The following GAS2L2 variants were observed in gnomAD, a reference collection of about 807,000 sequenced individuals.
The protein encoded by GAS2L2 is GAS2-like protein 2.
Under a neutral mutation model 35.2 loss-of-function variants are expected in GAS2L2, and 21 were observed. That is an observed-to-expected ratio of 0.60 (90% CI 0.42 to 0.86). The LOEUF is 0.86. Ranked by LOEUF, GAS2L2 falls within the 40% of genes least tolerant of loss-of-function variation. The pLI is 0.00. For missense variants in GAS2L2, 1,169 were observed against 1,144.4 expected (o/e 1.02, Z -0.31); for synonymous variants, 490 against 473.2 (o/e 1.04, Z -0.46).
In GAS2L2 at chr17:35,747,016, C is replaced by A; in HGVS notation, c.1085G>T (p.Arg362Met). 1 of 1,565,330 alleles carries A rather than the reference C, an allele frequency of 6.4e-7. No homozygotes were observed. The highest frequency in any genetic ancestry group is 8.7e-7 in the Non-Finnish European group (1 of 1,154,970). The change falls in exon 5 of 6, where the codon AGG becomes ATG. Residue 362 changes from arginine (R) to methionine (M), a missense_variant and splice_region_variant. Physicochemically the swap from Arg to Met is moderately conservative, Grantham distance 91 (BLOSUM62 -1). Coordinates refer to ENST00000604641, the MANE Select transcript of GAS2L2 (RefSeq NM_139285.4). ...CCCCATCCCTGTCTCTTCCCCATAC[C>A]TCAGGAATGGTGCCATCTCTCTGGA... Reference protein sequence around the residue: ...GASREMAPFLRCQERSLIPSW... With the variant: ...GASREMAPFLMCQERSLIPSW...
At position 35,750,314 on chromosome 17, in the gene GAS2L2, C is replaced by T; in HGVS notation, c.390G>A (p.Val130=). ...CCAAGTCCTCCGTCTCGAACATCAG[C>T]ACCTCTGGAGTGGAGGCGGGGAGAA... is the stretch of plus-strand genomic sequence containing the variant. ...WCRKEMGIQE[V]LMFETEDLVL... The change falls in exon 2 of 6, where the codon GTG becomes GTA. Residue 130 remains valine (V), a synonymous_variant. Transcript: ENST00000604641. 1.2e-6 allele frequency: 2 copies of T among 1,613,926 alleles called. No individual in the cohort carries two copies. The highest frequency in any genetic ancestry group is 1.7e-6 in the Non-Finnish European group (2 of 1,179,956).
chr17:35,747,363 A>G, intron 4 of GAS2L2, 95 bp from the exon 5 acceptor site: 1 of 1,389,620 alleles, frequency 7.2e-7, no homozygotes, highest in South Asian at 1.4e-5. Flanking sequence ...CATGCCCCGC[A>G]TCCCACATTA....
intron 4 of GAS2L2, 119 bp downstream of exon 4, chr17:35,747,730 C>T: frequency 2.5e-6 from 2 of 786,822 alleles, no homozygotes; most frequent in East Asian, 2.7e-5. Context: ...CCACACCTCC[C>T]CACCTACCGC....
Position 35,747,141 on chromosome 17 carries a change from AG to A in GAS2L2, c.959del (p.Pro320LeufsTer14). On this transcript the variant is annotated frameshift_variant, in exon 5 of 6. Transcript: ENST00000604641. LOFTEE classifies it high-confidence loss of function. Reference protein sequence around the residue: ...TISRSQSPPPPVDWKTYTSSD... With the variant: ...TISRSQSPPPXVDWKTYTSSD... ...AAGAGGTATATGTCTTCCAGTCCAC[AG>A]GGGGTGGTGGGCTCTGTGAGCGGCT... is the stretch of plus-strand genomic sequence containing the variant. 6.2e-7 allele frequency: 1 copy of A among 1,613,868 alleles called. No individual in the cohort carries two copies. The highest frequency in any genetic ancestry group is 8.5e-7 in the Non-Finnish European group (1 of 1,179,858).
rs782134797 is a variant in GAS2L2 at position 35,746,457 on chromosome 17, G to A, written c.1086-46C>T. 3.3e-5 allele frequency: 41 copies of A among 1,249,922 alleles called. No homozygotes were observed. The Admixed American group carries it at 3.9e-4, about 12-fold the overall frequency. The allele number at this position is 1,249,922 out of a possible 1,614,324, so 77.4% of individuals were successfully genotyped here. A position where few individuals can be genotyped will look rare whatever the true frequency, so the allele number is the denominator to read the frequency against. On this transcript the variant is annotated intron_variant, in intron 5 of 5. Transcript: ENST00000604641. ...GCTGCAAAGGGAGACTCATCAGGCC[G>A]GCAGGGTCATCTAGTGTGGTCCCTG...
chr17:35,746,865 A>G, intron 5 of GAS2L2, 151 bp downstream of exon 5: 1 of 708,698 alleles, frequency 1.4e-6, no homozygotes, highest in Non-Finnish European at 2.3e-6. Context: ...ACATTATCCC[A>G]AAGGTACTGG....
At chr17:35,751,136 GCC>G (rs1263781776) in intron 1 of GAS2L2, among the ~76,000 whole-genome samples, 4 of 151,910 alleles carry the variant, frequency 2.6e-5, no homozygotes, top group African/African-American at 9.7e-5. Flanking sequence ...TGGTTTCAAG[GCC>G]AATGAGATGA....
At chr17:35,750,981 T>C (rs587757533) in intron 1 of GAS2L2, among the ~76,000 whole-genome samples, 2 of 152,312 alleles carry the variant, frequency 1.3e-5, no homozygotes, top group East Asian at 3.9e-4. Flanking sequence ...AAGCATTCCT[T>C]AAAGCACTAG....
In GAS2L2 at chr17:35,745,833, A is replaced by C. The variant is rs369503637; in HGVS notation, c.1664T>G (p.Val555Gly). Residue 555 changes from valine to glycine, a missense_variant, in exon 6 of 6, where the codon GTG (valine) becomes GGG (glycine). Coordinates refer to ENST00000604641, the MANE Select transcript of GAS2L2 (RefSeq NM_139285.4). ...CTGCTGGTCCTCCTGCCTCACTTCC[A>C]CAGAGCAGTCCCCATGCGTGGACCC... ...LAGSTHGDCS[V>G]EVRQEDQQLD... 1.9e-6 allele frequency: 3 copies of C among 1,613,702 alleles called. No homozygotes were observed. In the African/African-American group the frequency reaches 4.0e-5, roughly 22 times the overall value.
At position 35,750,260 on chromosome 17, in the gene GAS2L2, C is replaced by A. The variant is rs782374415; in HGVS notation, c.444G>T (p.Val148=). ...LVLRKNVKNV[V]LCLLELGRRA... ...GGCGGCCCAGCTCCAGCAAACACAG[C>A]ACCACGTTCTTCACGTTCTTGCGCA... Residue 148 remains valine (V), a synonymous_variant, in exon 2 of 6, where the codon GTG becomes GTT. Coordinates refer to ENST00000604641, the MANE Select transcript of GAS2L2 (RefSeq NM_139285.4). The A allele has an allele frequency of 9.9e-6, 16 of 1,614,070 alleles. 1 individual carries two copies. The highest frequency in any genetic ancestry group is 4.5e-5 in the East Asian group (2 of 44,872).
Position 35,745,143 on chromosome 17 carries a change from T to C in GAS2L2, c.2354A>G (p.Asp785Gly), listed in dbSNP as rs782248699. 2.2e-5 allele frequency: 36 copies of C among 1,613,448 alleles called. No individual in the cohort carries two copies. The highest frequency in any genetic ancestry group is 3.1e-5 in the Non-Finnish European group (36 of 1,179,636). The change falls in exon 6 of 6, where the codon GAC becomes GGC. Residue 785 changes from aspartate to glycine, a missense_variant. Physicochemically the swap from Asp to Gly is moderately conservative, Grantham distance 94 (BLOSUM62 -1). Transcript: ENST00000604641. ...KLRPRIRPRR[D>G]HRPEKQPSRI... ...TGAAGGCTGCTTCTCAGGCCTGTGG[T>C]CTCTCCGGGGCCGAATCCTGGGTCT...
chr17:35,752,454 C>T lies in GAS2L2; in HGVS notation c.385+12G>A, dbSNP rs782187662. 1 of 1,563,086 alleles carries T rather than the reference C, an allele frequency of 6.4e-7. No individual in the cohort carries two copies. The highest frequency in any genetic ancestry group is 8.7e-7 in the Non-Finnish European group (1 of 1,147,634). Reference sequence around the variant, plus strand: ...AGCATCTGGAATGGGGACGAGGGTGCAGCGTGGTTACCTTGGATGCCCATC... The same window carrying T: ...AGCATCTGGAATGGGGACGAGGGTGTAGCGTGGTTACCTTGGATGCCCATC... On this transcript the variant is annotated intron_variant, in intron 1 of 5. Transcript: ENST00000604641.
At position 35,745,141 on chromosome 17, in the gene GAS2L2, G is replaced by A. The variant is rs2085656126; in HGVS notation, c.2356C>T (p.His786Tyr). 1 of 1,613,400 alleles carries A rather than the reference G, an allele frequency of 6.2e-7. No individual in the cohort carries two copies. Among genetic ancestry groups the A allele is most frequent in the Admixed American group, 1.7e-5 (1 of 59,982 alleles). ...LRPRIRPRRD[H>Y]RPEKQPSRIP... ...CGTGAAGGCTGCTTCTCAGGCCTGTGGTCTCTCCGGGGCCGAATCCTGGGT... is the reference window on the plus strand; with the variant it reads ...CGTGAAGGCTGCTTCTCAGGCCTGTAGTCTCTCCGGGGCCGAATCCTGGGT... The change falls in exon 6 of 6, where the codon CAC (histidine) becomes TAC (tyrosine). Residue 786 changes from histidine to tyrosine, a missense_variant. Physicochemically the swap from His to Tyr is moderately conservative, Grantham distance 83 (BLOSUM62 2). This residue lies in a region of GAS2L2 where 1,035 missense variants were observed against 976.5 expected (regional missense o/e 1.06). Coordinates refer to ENST00000604641, the MANE Select transcript of GAS2L2 (RefSeq NM_139285.4).
Position 35,752,924 on chromosome 17 carries a change from G to T in GAS2L2, c.-74C>A, listed in dbSNP as rs1555600009. ...CCGCCTCTTTCCTCCCGCTGCTGCT[G>T]GGTCTCGGCTGGGTTCTTCCTGATT... On this transcript the variant is annotated 5_prime_UTR_variant, in exon 1 of 6. Coordinates refer to ENST00000604641, the MANE Select transcript of GAS2L2 (RefSeq NM_139285.4). 2.0e-6 allele frequency: 3 copies of T among 1,473,550 alleles called. No individual in the cohort carries two copies. In the East Asian group the frequency reaches 7.0e-5, roughly 34 times the overall value. 91.3% of individuals were successfully genotyped at this position (1,473,550 alleles called of 1,614,324 possible).
In GAS2L2 at chr17:35,746,239, A is replaced by G; in HGVS notation, c.1258T>C (p.Trp420Arg). ...CAGCTGTCTGTTTCTTCATGAACCCAAGATGTGGGAATCCTTCCCCTGGGG... is the reference window on the plus strand; with the variant it reads ...CAGCTGTCTGTTTCTTCATGAACCCGAGATGTGGGAATCCTTCCCCTGGGG... ...ELPRGRIPTS[W>R]VHEETDSWGT... The change falls in exon 6 of 6, where the codon TGG becomes CGG. Residue 420 changes from tryptophan (W) to arginine (R), a missense_variant. Transcript: ENST00000604641. 2.0e-6 allele frequency: 3 copies of G among 1,472,830 alleles called. No individual in the cohort carries two copies. The highest frequency in any genetic ancestry group is 2.7e-6 in the Non-Finnish European group (3 of 1,110,728). The allele number at this position is 1,472,830 out of a possible 1,614,324, so 91.2% of individuals were successfully genotyped here. A position where few individuals can be genotyped will look rare whatever the true frequency, so the allele number is the denominator to read the frequency against.
Position 35,745,210 on chromosome 17 carries a change from G to C in GAS2L2, c.2287C>G (p.Arg763Gly), listed in dbSNP as rs781885696. Residue 763 changes from arginine (R) to glycine (G), a missense_variant, in exon 6 of 6, where the codon CGG becomes GGG. Coordinates refer to ENST00000604641, the MANE Select transcript of GAS2L2 (RefSeq NM_139285.4). The part of the protein sequence containing the change: ...ACLSKGRRTL[R>G]KPKRVPSIYK... ...ATGGACGGGACCCTCTTGGGCTTCCGGAGAGTTCTCCTGCCCTTGCTCAGA... is the reference window on the plus strand; with the variant it reads ...ATGGACGGGACCCTCTTGGGCTTCCCGAGAGTTCTCCTGCCCTTGCTCAGA... 1.0e-5 allele frequency: 16 copies of C among 1,607,460 alleles called. No homozygotes were observed. In the East Asian group the frequency reaches 2.7e-4, roughly 27 times the overall value.
At position 35,745,306 on chromosome 17, in the gene GAS2L2, T is replaced by C; in HGVS notation, c.2191A>G (p.Thr731Ala). The C allele has an allele frequency of 6.2e-7, 1 of 1,612,258 alleles. No homozygotes were observed. The highest frequency in any genetic ancestry group is 8.5e-7 in the Non-Finnish European group (1 of 1,178,986). Reference protein sequence around the residue: ...PQGGQDCSASTVSASPEAPTP... With the variant: ...PQGGQDCSASAVSASPEAPTP... ...GGGGCCTCCGGGCTGGCAGACACAGTAGAAGCCGAGCAGTCCTGCCCTCCC... is the reference window on the plus strand; with the variant it reads ...GGGGCCTCCGGGCTGGCAGACACAGCAGAAGCCGAGCAGTCCTGCCCTCCC... The change falls in exon 6 of 6, where the codon ACT becomes GCT. Residue 731 changes from threonine (T) to alanine (A), a missense_variant. By Grantham distance (58) the Thr-to-Ala change is moderately conservative. Around this residue, in one of 3 missense-constraint regions of GAS2L2, gnomAD observed 1,035 missense variants for 976.5 expected, o/e 1.06. Transcript: ENST00000604641.
At chr17:35,749,390 G>T (rs587738383) in intron 2 of GAS2L2, among the ~76,000 whole-genome samples, 173 bp from the exon 3 acceptor site, 1 of 152,352 alleles carries the variant, frequency 6.6e-6, no homozygotes, top group African/African-American at 2.4e-5. Context: ...CGAGACCTGG[G>T]TGGTCACCCA....
chr17:35,749,961 G>A, intron 2 of GAS2L2, 116 bp downstream of exon 2: 6 of 941,376 alleles, frequency 6.4e-6, no homozygotes, highest in Non-Finnish European at 9.6e-6. Flanking sequence ...TTCGGGTCAG[G>A]GTGGACAATG....
Sources: gnomAD v4.1 joint callset for allele counts (sites outside exome capture counted in the v4.1 genomes callset) on GRCh38, gnomAD v4.1.1 for gene constraint, gnomAD v4.1.1 regional missense constraint, MANE v1.5 for transcripts, NCBI Gene and HGNC (gene_info 2026-07-23, HGNC 2026-07-21) for gene names.